The following SUGT1 variants were observed in gnomAD, a reference collection of about 807,000 sequenced individuals.
SUGT1 encodes the protein SGT1 assembly cochaperone of MIS12 kinetochore complex, also known as protein SGT1 homolog.
SUGT1 carries 15 observed loss-of-function variants against 56.1 expected under a neutral mutation model. That is an observed-to-expected ratio of 0.27 (90% CI 0.18 to 0.41). The LOEUF (loss-of-function observed/expected upper bound fraction) is 0.41, where lower values mean the gene tolerates loss of function less well. Among genes scored for constraint, SUGT1 ranks in the 10% least tolerant of loss-of-function variants. SUGT1 has a pLI of 1.00. For synonymous variants in SUGT1, 123 were observed against 128.6 expected, an observed-to-expected ratio of 0.96 and a Z score of 0.30; for missense variants, 347 against 382.2, an observed-to-expected ratio of 0.91 and a Z score of 0.77.
In SUGT1 at chr13:52,696,568, T is replaced by G. The variant is rs796731865; in HGVS notation, c.*8733T>G. The G allele has an allele frequency of 1.6e-4, 24 of 152,248 alleles. No individual in the cohort carries two copies. The highest frequency in any genetic ancestry group is 5.8e-4 in the African/African-American group (24 of 41,522). 9.4% of individuals were successfully genotyped at this position (152,248 alleles called of 1,614,324 possible). A position where few individuals can be genotyped will look rare whatever the true frequency, so the allele number is the denominator to read the frequency against. On this transcript the variant is annotated 3_prime_UTR_variant, in exon 13 of 13. Transcript: ENST00000310528. ...CAAACCATAGTGTTTAAAATTGGGG[T>G]TTTTTAAAAATGTCAAGCCCTTAAA...
At chr13:52,686,544 T>G (rs1213175761) in intron 12 of SUGT1, among the ~76,000 whole-genome samples, 2 of 152,160 alleles carry the variant, frequency 1.3e-5, no homozygotes, top group Admixed American at 1.3e-4. Context: ...ATTTCATGTT[T>G]GGAAGATGAC....
rs549208490 is a variant in SUGT1, at chr13:52,697,390, T to C, written c.*9555T>C. 4 of 152,346 alleles carry C rather than the reference T, an allele frequency of 2.6e-5. No individual in the cohort carries two copies. Among genetic ancestry groups the C allele is most frequent in the African/African-American group, 7.2e-5 (3 of 41,568 alleles). The allele number at this position is 152,346 out of a possible 1,614,324, so 9.4% of individuals were successfully genotyped here. A position where few individuals can be genotyped will look rare whatever the true frequency, so the allele number is the denominator to read the frequency against. ...AGGTTAGCCCTCCATTCATACAAAA[T>C]TATGAGCCCAAATGTCTTGGGGAGA... is the stretch of plus-strand genomic sequence containing the variant. On this transcript the variant is annotated 3_prime_UTR_variant, in exon 13 of 13. Transcript: ENST00000310528.
At chr13:52,686,633 T>G (rs1451738178) in intron 12 of SUGT1, among the ~76,000 whole-genome samples, 1 of 152,216 alleles carries the variant, frequency 6.6e-6, no homozygotes, top group African/African-American at 2.4e-5. Context: ...TGGGGTTACA[T>G]TGAGGTTCCA....
chr13:52,678,619 T>C (rs1275541828), intron 11 of SUGT1, among the ~76,000 whole-genome samples: 1 of 152,114 alleles, frequency 6.6e-6, no homozygotes, highest in East Asian at 1.9e-4. Flanking sequence ...GTGAAATATA[T>C]GCTACAGTTT....
rs1407605234 is a variant in SUGT1, at chr13:52,694,474, GTAAAA to G, written c.*6647_*6651del. ...TATTGTCAGCACTTTATAAAGAATC[GTAAAA>G]TAAAATAGTGGCAGAAAATATAAAC... is the stretch of plus-strand genomic sequence containing the variant. On this transcript the variant is annotated 3_prime_UTR_variant, in exon 13 of 13. Transcript: ENST00000310528. The G allele has an allele frequency of 1.3e-5, 2 of 152,168 alleles. No individual in the cohort carries two copies. Among genetic ancestry groups the G allele is most frequent in the Admixed American group, 6.5e-5 (1 of 15,280 alleles). 9.4% of individuals were successfully genotyped at this position (152,168 alleles called of 1,614,324 possible).
intron 12 of SUGT1, among the ~76,000 whole-genome samples, chr13:52,680,647 CATT>C (rs1963335572): frequency 6.6e-6 from 1 of 152,134 alleles, no homozygotes; most frequent in African/African-American, 2.4e-5. Flanking sequence ...AATAATTCGT[CATT>C]GTATATTTAG....
chr13:52,672,830 T>C (rs541467990), intron 10 of SUGT1, among the ~76,000 whole-genome samples: 2 of 152,288 alleles, frequency 1.3e-5, no homozygotes, highest in South Asian at 4.1e-4. Flanking sequence ...GAAATTTCTT[T>C]CATTGGAAAG....
chr13:52,676,410 A>G, intron 11 of SUGT1, 90 bp downstream of exon 11: 2 of 1,083,278 alleles, frequency 1.8e-6, no homozygotes, highest in Non-Finnish European at 2.6e-6. Context: ...TACTTTCATT[A>G]TTTATGTTCT....
chr13:52,700,348 G>T lies in SUGT1; in HGVS notation c.*12513G>T, dbSNP rs1039672556. On this transcript the variant is annotated 3_prime_UTR_variant, in exon 13 of 13. Coordinates refer to ENST00000310528, the MANE Select transcript of SUGT1 (RefSeq NM_006704.5). ...ATTATACCTGCATAAAAGTATTTAT[G>T]TATAGATGTACTTACCTTACACAGT... 1 of 152,110 alleles carries T rather than the reference G, an allele frequency of 6.6e-6. No homozygotes were observed. Among genetic ancestry groups the T allele is most frequent in the African/African-American group, 2.4e-5 (1 of 41,426 alleles). The allele number at this position is 152,110 out of a possible 1,614,324, so 9.4% of individuals were successfully genotyped here.
At chr13:52,675,671 T>A (rs958678970) in intron 10 of SUGT1, among the ~76,000 whole-genome samples, 8 of 152,248 alleles carry the variant, frequency 5.3e-5, no homozygotes, top group Non-Finnish European at 8.8e-5. Context: ...ATTGCCTGAA[T>A]GTTAACATGA....
At chr13:52,671,043 A>G (rs9316581) in intron 10 of SUGT1, among the ~76,000 whole-genome samples, 145,447 of 152,030 alleles carry the variant, frequency 0.96, 69,594 homozygotes, top group East Asian at 0.99. Flanking sequence ...CTATTGCTTA[A>G]TGTTCATAGA....
chr13:52,659,319 TAATGTTA>T, intron 5 of SUGT1, 70 bp downstream of exon 5: 2 of 970,800 alleles, frequency 2.1e-6, no homozygotes, highest in East Asian at 3.3e-5. Context: ...TGAATTTTGG[TAATGTTA>T]ATTTCAAGTT....
At chr13:52,658,943 G>T (rs1962294146) in intron 4 of SUGT1, among the ~76,000 whole-genome samples, 1 of 151,730 alleles carries the variant, frequency 6.6e-6, no homozygotes, top group African/African-American at 2.4e-5. Flanking sequence ...ATATTTTTGA[G>T]TAAGCAAGTC....
At chr13:52,671,904 C>T (rs948277742) in intron 10 of SUGT1, among the ~76,000 whole-genome samples, 3 of 152,118 alleles carry the variant, frequency 2.0e-5, no homozygotes, top group African/African-American at 7.2e-5. Context: ...AGTTAAAATT[C>T]TAGCTGAAAA....
intron 10 of SUGT1, among the ~76,000 whole-genome samples, chr13:52,670,149 G>C (rs1962871868): frequency 6.6e-6 from 1 of 152,174 alleles, no homozygotes; most frequent in African/African-American, 2.4e-5. Context: ...GCATATCCAT[G>C]TATAGCCAGT....
At chr13:52,663,537 T>A (rs1962554732) in intron 7 of SUGT1, among the ~76,000 whole-genome samples, 1 of 152,168 alleles carries the variant, frequency 6.6e-6, no homozygotes, top group Non-Finnish European at 1.5e-5. Context: ...GGTGCCATCA[T>A]AGTGCACTTG....
intron 10 of SUGT1, among the ~76,000 whole-genome samples, chr13:52,673,370 C>T (rs1963017293): frequency 6.6e-6 from 1 of 151,924 alleles, no homozygotes; most frequent in Admixed American, 6.6e-5. Context: ...CTTCAGCCTC[C>T]CAGAGTGCCA....
intron 12 of SUGT1, among the ~76,000 whole-genome samples, chr13:52,685,096 T>TTG (rs1963526008): frequency 6.6e-6 from 1 of 151,516 alleles, no homozygotes; most frequent in Admixed American, 6.6e-5. Flanking sequence ...AGTCAGGGTC[T>TTG]TGCTCTATTG....
chr13:52,664,848 C>A (rs6561677), intron 8 of SUGT1, among the ~76,000 whole-genome samples: 145,643 of 152,226 alleles, frequency 0.96, 69,690 homozygotes, highest in East Asian at 0.99. Context: ...AAAATAATCC[C>A]ACATCTAACT....
Sources: gnomAD v4.1 joint callset for allele counts (sites outside exome capture counted in the v4.1 genomes callset) on GRCh38, gnomAD v4.1.1 for gene constraint, MANE v1.5 for transcripts, NCBI Gene and HGNC (gene_info 2026-07-23, HGNC 2026-07-21) for gene names.